Variants in WDR26 observed in about 807,000 individuals in gnomAD.
WDR26 encodes the protein WD repeat domain 26, also known as WD repeat-containing protein 26.
WDR26 carries 5 observed loss-of-function variants against 84.1 expected under a neutral mutation model. The ratio of observed to expected loss-of-function variants is 0.06; its 90% confidence interval spans 0.03 to 0.13. The LOEUF is 0.13. Among genes scored for constraint, WDR26 ranks in the 10% least tolerant of loss-of-function variants. The pLI, the probability that WDR26 is intolerant of heterozygous loss-of-function variation, is 1.00. For missense variants in WDR26, 642 were observed against 974.9 expected (o/e 0.66, Z 4.55); for synonymous variants, 415 against 389.6 (o/e 1.07, Z -0.77).
In WDR26 at chr1:224,423,512, G is replaced by A. The variant is rs185103216; in HGVS notation, c.1064+1006C>T. 5.3e-5 allele frequency among the ~76,000 whole-genome samples: 8 copies of A among 152,322 alleles called. No individual in the cohort carries two copies. In the East Asian group the frequency reaches 1.2e-3, roughly 22 times the overall value. ...TATTAACCCAGCACCTTGGGAGGCC[G>A]AAGCAGGTGGATTGCTTAAGGTTAG... is the stretch of plus-strand genomic sequence containing the variant. On this transcript the variant is annotated intron_variant, in intron 4 of 13. Coordinates refer to ENST00000414423, the MANE Select transcript of WDR26 (RefSeq NM_001379403.1).
At chr1:224,428,780 C>A (rs866873053) in intron 3 of WDR26, among the ~76,000 whole-genome samples, 11 of 151,378 alleles carry the variant, frequency 7.3e-5, no homozygotes, top group Admixed American at 3.9e-4. Context: ...GTGATGGACA[C>A]CTGTAATTCC....
At chr1:224,423,282 A>C (rs1674117124) in intron 4 of WDR26, among the ~76,000 whole-genome samples, 1 of 152,222 alleles carries the variant, frequency 6.6e-6, no homozygotes, top group South Asian at 2.1e-4. Flanking sequence ...AATGTTGAAC[A>C]GACGTAGCAA....
At chr1:224,403,132 C>T (rs1244959760) in intron 8 of WDR26, among the ~76,000 whole-genome samples, 1 of 151,568 alleles carries the variant, frequency 6.6e-6, no homozygotes, top group African/African-American at 2.4e-5. Context: ...TGGCACGATC[C>T]CAGCCTGCCT....
Position 224,434,081 on chromosome 1 carries a change from C to G in WDR26, c.325G>C (p.Gly109Arg). ...CCGCCGCCGCCGCCACCTCCTCCTC[C>G]TCCTCCTGCCCCATTGGCCTGCATG... Residue 109 changes from glycine (G) to arginine (R), a missense_variant, in exon 1 of 14, where the codon GGA becomes CGA. Coordinates refer to ENST00000414423, the MANE Select transcript of WDR26 (RefSeq NM_001379403.1). 1 of 1,449,584 alleles carries G rather than the reference C, an allele frequency of 6.9e-7. No homozygotes were observed. The highest frequency in any genetic ancestry group is 9.0e-7 in the Non-Finnish European group (1 of 1,106,952). 89.8% of individuals were successfully genotyped at this position (1,449,584 alleles called of 1,614,324 possible).
chr1:224,411,678 AATAAG>A, intron 6 of WDR26, 113 bp from the exon 7 acceptor site: 1 of 1,223,196 alleles, frequency 8.2e-7, no homozygotes, highest in Non-Finnish European at 1.1e-6. Context: ...TAACTTTAAA[AATAAG>A]AAGTGAATGC....
chr1:224,385,882 C>G lies in WDR26; in HGVS notation c.*3953G>C, dbSNP rs1672981089. 1 of 152,338 alleles carries G rather than the reference C, an allele frequency of 6.6e-6. No individual in the cohort carries two copies. 9.4% of individuals were successfully genotyped at this position (152,338 alleles called of 1,614,324 possible). A position where few individuals can be genotyped will look rare whatever the true frequency, so the allele number is the denominator to read the frequency against. On this transcript the variant is annotated 3_prime_UTR_variant, in exon 14 of 14. Transcript: ENST00000414423. ...AACCTTAAACTCAGAGGGCACTTCA[C>G]ATGTGCACGAGACTTTCAGTAAAAA...
At chr1:224,419,733 TAC>T in intron 4 of WDR26, 118 bp from the exon 5 acceptor site, 1 of 714,678 alleles carries the variant, frequency 1.4e-6, no homozygotes, top group Non-Finnish European at 2.4e-6. Flanking sequence ...AAGAAATTTC[TAC>T]AGTGGACTCA....
chr1:224,398,785 G>T, intron 10 of WDR26, 104 bp downstream of exon 10: 21 of 1,434,648 alleles, frequency 1.5e-5, no homozygotes, highest in Non-Finnish European at 2.0e-5. Flanking sequence ...AAATTACCAC[G>T]CAAACCAAAA....
At chr1:224,408,348 T>C (rs1273333743) in intron 7 of WDR26, among the ~76,000 whole-genome samples, 1 of 152,246 alleles carries the variant, frequency 6.6e-6, no homozygotes, top group Non-Finnish European at 1.5e-5. Context: ...TAGCACCCAC[T>C]ATAAATTACG....
In WDR26 at chr1:224,411,576, G is replaced by A; in HGVS notation, c.1320-11C>T. ...CATGGGAACTGCCTCCTAAAACAAAGAGGTCCACAAATTATTCTTTCAAAA... is the reference window on the plus strand; with the variant it reads ...CATGGGAACTGCCTCCTAAAACAAAAAGGTCCACAAATTATTCTTTCAAAA... On this transcript the variant is annotated splice_polypyrimidine_tract_variant and intron_variant, in intron 6 of 13. Coordinates refer to ENST00000414423, the MANE Select transcript of WDR26 (RefSeq NM_001379403.1). The A allele has an allele frequency of 6.3e-7, 1 of 1,575,346 alleles. No individual in the cohort carries two copies. Among genetic ancestry groups the A allele is most frequent in the Non-Finnish European group, 8.6e-7 (1 of 1,163,554 alleles).
chr1:224,408,343 C>T (rs1277404617), intron 7 of WDR26, among the ~76,000 whole-genome samples: 1 of 152,180 alleles, frequency 6.6e-6, no homozygotes, highest in African/African-American at 2.4e-5. Context: ...TCCTGTAGCA[C>T]CCACTATAAA....
chr1:224,434,042 C>T lies in WDR26; in HGVS notation c.364G>A (p.Gly122Ser), dbSNP rs1408015204. The change falls in exon 1 of 14, where the codon GGC (glycine) becomes AGC (serine). Residue 122 changes from glycine (G) to serine (S), a missense_variant. By Grantham distance (56) the Gly-to-Ser change is moderately conservative. This residue lies in a region of WDR26 where 291 missense variants were observed against 302.1 expected (regional missense o/e 0.96). Transcript: ENST00000414423. ...GGGGTCTGTCCCTGGCCCCCGCCGC[C>T]CCCTCCTCCTCCACCGCCGCCGCCG... 1.4e-6 allele frequency: 2 copies of T among 1,459,868 alleles called. No homozygotes were observed. The highest frequency in any genetic ancestry group is 1.4e-5 in the South Asian group (1 of 72,734). 90.4% of individuals were successfully genotyped at this position (1,459,868 alleles called of 1,614,324 possible).
chr1:224,418,866 C>T (rs572078434), intron 5 of WDR26, among the ~76,000 whole-genome samples: 20 of 152,250 alleles, frequency 1.3e-4, no homozygotes, highest in African/African-American at 4.6e-4. Context: ...GGCCTTTTGG[C>T]TAAGATCAAG....
chr1:224,399,029 T>G lies in WDR26; in HGVS notation c.1725A>C (p.Leu575Phe). 4 of 1,546,650 alleles carry G rather than the reference T, an allele frequency of 2.6e-6. No homozygotes were observed. Among genetic ancestry groups the G allele is most frequent in the Non-Finnish European group, 3.5e-6 (4 of 1,154,900 alleles). ...CCCAGGAGTCAAGGAGATTACCATC[T>G]AAGTCCTGAGTAAGAAAAAACTACT... Residue 575 changes from leucine (L) to phenylalanine (F), a missense_variant, in exon 10 of 14, where the codon TTA (leucine) becomes TTC (phenylalanine). By Grantham distance (22) the Leu-to-Phe change is conservative (BLOSUM62 0). Transcript: ENST00000414423.
At chr1:224,423,857 T>TG (rs1674135007) in intron 4 of WDR26, among the ~76,000 whole-genome samples, 3 of 152,222 alleles carry the variant, frequency 2.0e-5, no homozygotes, top group East Asian at 3.8e-4. Context: ...AGGCATGGTA[T>TG]AGAATGAGAT....
rs1345350680 is a variant in WDR26 at position 224,433,843 on chromosome 1, G to C, written c.563C>G (p.Ser188Cys). Residue 188 changes from serine to cysteine, a missense_variant, in exon 1 of 14, where the codon TCC becomes TGC. Physicochemically the swap from Ser to Cys is moderately radical, Grantham distance 112. Around this residue, in one of 2 missense-constraint regions of WDR26, gnomAD observed 291 missense variants for 302.1 expected, o/e 0.96. Transcript: ENST00000414423. ...GGAGGCAGCTGCGACGGTGGCTGAG[G>C]ATGCGGCGGCCGCCCCGCCGGGAAC... 56 of 1,536,782 alleles carry C rather than the reference G, an allele frequency of 3.6e-5. No homozygotes were observed. Among genetic ancestry groups the C allele is most frequent in the Non-Finnish European group, 4.4e-5 (51 of 1,146,798 alleles).
rs532885390 is a variant in WDR26 at position 224,402,734 on chromosome 1, T to C, written c.1600-1665A>G. The stretch of plus-strand genomic sequence containing the variant: ...CATTGATCTTCTAGGTCAGACTCAC[T>C]GCAAGCTCTGTTTTACTGAGAGAAA... On this transcript the variant is annotated intron_variant, in intron 8 of 13. Transcript: ENST00000414423. 3.9e-5 allele frequency among the ~76,000 whole-genome samples: 6 copies of C among 152,352 alleles called. No individual in the cohort carries two copies. The South Asian group carries it at 1.2e-3, about 32-fold the overall frequency.
In WDR26 at chr1:224,434,643, T is replaced by C; in HGVS notation, c.-238A>G. 1 of 653,360 alleles carries C rather than the reference T, an allele frequency of 1.5e-6. No individual in the cohort carries two copies. The highest frequency in any genetic ancestry group is 6.6e-5 in the South Asian group (1 of 15,104). 40.5% of individuals were successfully genotyped at this position (653,360 alleles called of 1,614,324 possible). A position where few individuals can be genotyped will look rare whatever the true frequency, so the allele number is the denominator to read the frequency against. On this transcript the variant is annotated 5_prime_UTR_variant, in exon 1 of 14. Transcript: ENST00000414423. The stretch of plus-strand genomic sequence containing the variant: ...GCGCCGGGGGGCGCCGCGGGGCGGC[T>C]GCGGGGGCGCGGGGCCCGCCGCTGG...
rs552952204 is a variant in WDR26, at chr1:224,409,583, T to G, written c.1458+1844A>C. ...TCTCTTCTAAAAAGAACTGTTAGGC[T>G]GGGAATGGCGACTCACGCCAGTAAT... On this transcript the variant is annotated intron_variant, in intron 7 of 13. Transcript: ENST00000414423. Among the ~76,000 whole-genome samples, 9 of 152,244 alleles carry G rather than the reference T, an allele frequency of 5.9e-5. No homozygotes were observed. The South Asian group carries it at 1.9e-3, about 32-fold the overall frequency.
Sources: gnomAD v4.1 joint callset for allele counts (sites outside exome capture counted in the v4.1 genomes callset) on GRCh38, gnomAD v4.1.1 for gene constraint, gnomAD v4.1.1 regional missense constraint, MANE v1.5 for transcripts, NCBI Gene and HGNC (gene_info 2026-07-23, HGNC 2026-07-21) for gene names.